The following MINAR1 variants were observed in gnomAD, a reference collection of about 807,000 sequenced individuals.
MINAR1 encodes major intrinsically disordered Notch2-binding receptor 1.
In MINAR1, 40 loss-of-function variants were observed where a neutral mutation model predicts 65.1. The observed-to-expected ratio is 0.61, with a 90% CI of 0.48 to 0.80. The LOEUF is 0.80. Among genes scored for constraint, MINAR1 ranks in the 30% least tolerant of loss-of-function variants. The pLI, the probability that MINAR1 is intolerant of heterozygous loss-of-function variation, is 0.00. For synonymous variants in MINAR1, 482 were observed against 449.1 expected, an observed-to-expected ratio of 1.07 and a Z score of -0.93; for missense variants, 1,128 against 1,148.0, an observed-to-expected ratio of 0.98 and a Z score of 0.25.
chr15:79,443,485 C>T (rs983578542), intron 1 of MINAR1, among the ~76,000 whole-genome samples: 3 of 152,152 alleles, frequency 2.0e-5, no homozygotes, highest in Non-Finnish European at 4.4e-5. Flanking sequence ...TCCCAGAAAC[C>T]GCTATCCCAA....
At chr15:79,422,205 T>C in the MINAR1 span, 1 of 152,244 alleles carries the variant, frequency 6.6e-6, no homozygotes, top group Non-Finnish European at 1.5e-5. Context: ...TAAGTTCTTA[T>C]TTGTTCACAG....
upstream of MINAR1, among the ~76,000 whole-genome samples, chr15:79,430,813 C>T (rs140118669): frequency 4.3e-3 from 659 of 152,286 alleles, 4 homozygotes; most frequent in African/African-American, 0.015. Context: ...GTTGTCAACA[C>T]GTATCACCCT....
upstream of MINAR1, among the ~76,000 whole-genome samples, chr15:79,428,138 GTCCTTCCT>G (rs372452968): frequency 4.0e-5 from 6 of 151,810 alleles, no homozygotes; most frequent in East Asian, 9.7e-4. Context: ...CAAGATGAAA[GTCCTTCCT>G]TCCTTCCTTC....
intron 1 of MINAR1, among the ~76,000 whole-genome samples, chr15:79,437,793 G>GTGGA (rs1567049136): frequency 1.2e-4 from 8 of 66,918 alleles, no homozygotes; most frequent in Non-Finnish European, 2.2e-4. Context: ...TGTGTGGGGT[G>GTGGA]TGGGGTTGGC....
chr15:79,429,317 C>G (rs571730149), upstream of MINAR1, among the ~76,000 whole-genome samples: 9 of 152,312 alleles, frequency 5.9e-5, no homozygotes, highest in Admixed American at 3.3e-4. Context: ...AAGTAGAACC[C>G]TCCATTTAAA....
At chr15:79,426,476 G>A in the MINAR1 span, 7 of 152,250 alleles carry the variant, frequency 4.6e-5, no homozygotes, top group Non-Finnish European at 7.3e-5. Context: ...TTGAAATAGG[G>A]AGAGAATTTG....
At position 79,463,094 on chromosome 15, in the gene MINAR1, C is replaced by T. The variant is rs1183984804; in HGVS notation, c.2326C>T (p.Gln776Ter). ...AGACAGGCAGTACGACATTCCCCCA[C>T]AGCACCGACTGCCCAAGCAGCCCAA... ...EADRQYDIPP[Q>*]HRLPKQPKDG... Residue 776 changes from glutamine to a stop codon, truncating the protein, a stop_gained, in exon 3 of 4, where the codon CAG becomes TAG. Coordinates refer to ENST00000305428, the MANE Select transcript of MINAR1 (RefSeq NM_015206.3). LOFTEE classifies it high-confidence loss of function. The T allele has an allele frequency of 6.2e-7, 1 of 1,614,060 alleles. No individual in the cohort carries two copies. The highest frequency in any genetic ancestry group is 8.5e-7 in the Non-Finnish European group (1 of 1,179,924).
chr15:79,424,523 CAA>C, the MINAR1 span: 1 of 152,184 alleles, frequency 6.6e-6, no homozygotes, highest in African/African-American at 2.4e-5. Context: ...GATAAAATAA[CAA>C]ATAAACCAAA....
Position 79,470,397 on chromosome 15 carries a change from G to A in MINAR1, c.*2013G>A, listed in dbSNP as rs949895578. Reference sequence around the variant, plus strand: ...ACAGATGAAGTGCCAGAGCATCAGAGATAGGTAGCTCCCAACCTCTTGCTC... The same window carrying A: ...ACAGATGAAGTGCCAGAGCATCAGAAATAGGTAGCTCCCAACCTCTTGCTC... On this transcript the variant is annotated 3_prime_UTR_variant, in exon 4 of 4. Transcript: ENST00000305428. The A allele has an allele frequency of 3.3e-5, 5 of 152,186 alleles. No homozygotes were observed. Among genetic ancestry groups the A allele is most frequent in the African/African-American group, 4.8e-5 (2 of 41,418 alleles). 9.4% of individuals were successfully genotyped at this position (152,186 alleles called of 1,614,324 possible).
rs747522545 is a variant in MINAR1 at position 79,463,285 on chromosome 15, G to A, written c.2517G>A (p.Ala839=). 1.5e-5 allele frequency: 25 copies of A among 1,613,984 alleles called. No individual in the cohort carries two copies. Among genetic ancestry groups the A allele is most frequent in the African/African-American group, 2.7e-5 (2 of 74,920 alleles). The part of the protein sequence containing the change: ...SWTIEEYARN[A]GDKGKLTALD... ...CCATTGAGGAGTATGCACGGAATGC[G>A]GGCGACAAGGGCAAGCTGACAGCCC... The change falls in exon 3 of 4, where the codon GCG becomes GCA. Residue 839 remains alanine (A), a synonymous_variant. Transcript: ENST00000305428.
chr15:79,464,362 A>C (rs1051947549), intron 3 of MINAR1, among the ~76,000 whole-genome samples: 5 of 152,234 alleles, frequency 3.3e-5, no homozygotes, highest in African/African-American at 1.2e-4. Flanking sequence ...ATGATGCTGA[A>C]ATCAATCAAC....
At chr15:79,436,431 T>C (rs917228177) in intron 1 of MINAR1, among the ~76,000 whole-genome samples, 4 of 152,176 alleles carry the variant, frequency 2.6e-5, no homozygotes, top group Non-Finnish European at 5.9e-5. Context: ...AGAAGGAACA[T>C]GAAAACCGAA....
the MINAR1 span, chr15:79,413,252 GA>G: frequency 6.6e-6 from 1 of 152,202 alleles, no homozygotes. Context: ...TTTTAAAAAA[GA>G]GATTCAGAGA....
chr15:79,444,273 G>T lies in MINAR1; in HGVS notation c.-51+11733G>T, dbSNP rs189828200. Among the ~76,000 whole-genome samples the T allele has an allele frequency of 7.4e-4, 113 of 152,226 alleles. 1 individual carries two copies. Among genetic ancestry groups the T allele is most frequent in the African/African-American group, 2.7e-3 (112 of 41,536 alleles). ...TAAAACCTTTCTGGCACATAGTAAA[G>T]TTCTCCATAAATGTTACCTATGTTA... On this transcript the variant is annotated intron_variant, in intron 1 of 3. Coordinates refer to ENST00000305428, the MANE Select transcript of MINAR1 (RefSeq NM_015206.3).
In MINAR1 at chr15:79,457,666, T is replaced by A. The variant is rs752098586; in HGVS notation, c.1519T>A (p.Ser507Thr). 1.2e-6 allele frequency: 2 copies of A among 1,614,128 alleles called. No individual in the cohort carries two copies. Among genetic ancestry groups the A allele is most frequent in the Non-Finnish European group, 1.7e-6 (2 of 1,180,032 alleles). ...CAGTGACAGGCACACCATGAAGCAC[T>A]CAGACGATGACTCAGAAATTGTCAG... ...KYSDRHTMKHSDDDSEIVSDD... is the reference protein window; with the variant it reads ...KYSDRHTMKHTDDDSEIVSDD... Residue 507 changes from serine (S) to threonine (T), a missense_variant, in exon 2 of 4, where the codon TCA (serine) becomes ACA (threonine). Ser to Thr is a moderately conservative substitution (Grantham distance 58, BLOSUM62 1). Transcript: ENST00000305428.
chr15:79,447,107 T>G (rs972933335), intron 1 of MINAR1, among the ~76,000 whole-genome samples: 3 of 152,088 alleles, frequency 2.0e-5, no homozygotes, highest in African/African-American at 7.2e-5. Flanking sequence ...AGGCTGGTCT[T>G]GAACTCCTGA....
intron 3 of MINAR1, chr15:79,463,602 AC>A (rs1471698684): frequency 1.6e-6 from 1 of 627,438 alleles, no homozygotes; most frequent in Non-Finnish European, 3.0e-6. Context: ...TGCATTTACG[AC>A]TCTGTACCAA....
chr15:79,444,618 G>A (rs1894959424), intron 1 of MINAR1, among the ~76,000 whole-genome samples: 1 of 151,778 alleles, frequency 6.6e-6, no homozygotes, highest in Admixed American at 6.6e-5. Flanking sequence ...GTTTTGATAT[G>A]TAGTATTTTC....
intron 1 of MINAR1, among the ~76,000 whole-genome samples, chr15:79,447,723 T>C (rs536963162): frequency 1.7e-3 from 254 of 152,328 alleles, no homozygotes; most frequent in Non-Finnish European, 2.8e-3. Context: ...CAAGAGTTCT[T>C]GCACACCGTG....
Sources: allele counts gnomAD v4.1 joint callset (sites outside exome capture counted in the v4.1 genomes callset), GRCh38; gene constraint gnomAD v4.1.1; transcripts MANE v1.5; gene names NCBI Gene and HGNC (gene_info 2026-07-23, HGNC 2026-07-21).